Variants in DCUN1D2 observed in about 807,000 individuals in gnomAD.
DCUN1D2 encodes the protein defective in cullin neddylation 1 domain containing 2.
A neutral mutation model predicts 30.9 loss-of-function variants in DCUN1D2; 29 were observed. That is an observed-to-expected ratio of 0.94 (90% CI 0.70 to 1.28). The LOEUF (loss-of-function observed/expected upper bound fraction) is 1.28. DCUN1D2 is among the 50% of genes most tolerant of loss of function. The pLI is 0.00. For missense variants in DCUN1D2, 325 were observed against 316.9 expected, an observed-to-expected ratio of 1.03 and a Z score of -0.19; for synonymous variants, 121 against 115.3, an observed-to-expected ratio of 1.05 and a Z score of -0.32.
rs1595579066 is a variant in DCUN1D2, at chr13:113,473,365, GAC to G, written c.520+757_520+758del. ...GAATCCCTGCTGCAGGGTTAGGAGT[GAC>G]AGTTAAAGCGAATGCAGACTCCCCA... On this transcript the variant is annotated intron_variant, in intron 4 of 6. Transcript: ENST00000478244. Among the ~76,000 whole-genome samples the G allele has an allele frequency of 2.6e-5, 4 of 152,270 alleles. No individual in the cohort carries two copies. The East Asian group carries it at 7.7e-4, about 29-fold the overall frequency.
chr13:113,477,019 G>A (rs1431292522), intron 3 of DCUN1D2, among the ~76,000 whole-genome samples: 1 of 152,118 alleles, frequency 6.6e-6, no homozygotes, highest in Admixed American at 6.5e-5. Context: ...ATCTGATCTG[G>A]CGCTTGATGC....
At chr13:113,464,777 A>G (rs1331812990) in intron 4 of DCUN1D2, among the ~76,000 whole-genome samples, 1 of 152,220 alleles carries the variant, frequency 6.6e-6, no homozygotes, top group Admixed American at 6.5e-5. Flanking sequence ...TCCTGACCCA[A>G]TGGATCATGA....
At chr13:113,474,070 C>T in intron 4 of DCUN1D2, 54 bp downstream of exon 4, 3 of 1,580,578 alleles carry the variant, frequency 1.9e-6, no homozygotes, top group Non-Finnish European at 2.6e-6. Flanking sequence ...TGCTCACGTC[C>T]ACTGAAAACC....
chr13:113,483,409 A>G (rs2044743881), intron 2 of DCUN1D2, among the ~76,000 whole-genome samples: 1 of 152,234 alleles, frequency 6.6e-6, no homozygotes, highest in Non-Finnish European at 1.5e-5. Context: ...CCCTCACTTC[A>G]GATCATCTTC....
At chr13:113,486,300 G>C (rs1416125267) in intron 1 of DCUN1D2, among the ~76,000 whole-genome samples, 2 of 152,160 alleles carry the variant, frequency 1.3e-5, no homozygotes, top group Admixed American at 1.3e-4. Flanking sequence ...GCTGAACACT[G>C]AGCAGGCGTG....
rs2044913738 is a variant in DCUN1D2 at position 113,490,113 on chromosome 13, C to G, written c.3+554G>C. Among the ~76,000 whole-genome samples the G allele has an allele frequency of 6.6e-6, 1 of 152,178 alleles. No individual in the cohort carries two copies. Among genetic ancestry groups the G allele is most frequent in the South Asian group, 2.1e-4 (1 of 4,836 alleles). Reference sequence around the variant, plus strand: ...TCCCTCCTGCGCTGCGGAACTCTACCAGCTCCACAGATGCACACCTACAGC... The same window carrying G: ...TCCCTCCTGCGCTGCGGAACTCTACGAGCTCCACAGATGCACACCTACAGC... On this transcript the variant is annotated intron_variant, in intron 1 of 6. Transcript: ENST00000478244. The surrounding 1 kb of genome is among the most constrained non-coding windows in gnomAD (Gnocchi z 5.2).
intron 4 of DCUN1D2, among the ~76,000 whole-genome samples, chr13:113,471,899 T>A (rs147356137): frequency 6.6e-6 from 1 of 152,086 alleles, no homozygotes; most frequent in Non-Finnish European, 1.5e-5. Context: ...GAAGCCCTGG[T>A]GATGAGCAGG....
chr13:113,466,887 A>G (rs2139689974), intron 4 of DCUN1D2, among the ~76,000 whole-genome samples: 1 of 149,694 alleles, frequency 6.7e-6, no homozygotes, highest in East Asian at 2.0e-4. Flanking sequence ...GCTCACTGCA[A>G]GCTCCACCTC....
At chr13:113,463,909 C>T (rs2044360180) in intron 4 of DCUN1D2, among the ~76,000 whole-genome samples, 1 of 152,172 alleles carries the variant, frequency 6.6e-6, no homozygotes, top group South Asian at 2.1e-4. Flanking sequence ...TTTTCTGGAA[C>T]AGTTGGACAC....
chr13:113,465,602 G>C (rs1036900805), intron 4 of DCUN1D2, among the ~76,000 whole-genome samples: 2 of 151,464 alleles, frequency 1.3e-5, no homozygotes, highest in Non-Finnish European at 2.9e-5. Context: ...CCAAGTGACA[G>C]AGCCCAAGAA....
chr13:113,480,631 T>C lies in DCUN1D2; in HGVS notation c.333A>G (p.Ala111=), dbSNP rs902776135. The stretch of plus-strand genomic sequence containing the variant: ...TTCTGCTAAATTCACACTGAGTTGC[T>C]GCCCTGAACTTCCACGCTATGACCA... The part of the protein sequence containing the change: ...SVLVIAWKFR[A]ATQCEFSRKE... Residue 111 remains alanine (A), a synonymous_variant, in exon 3 of 7, where the codon GCA becomes GCG. Transcript: ENST00000478244. 6.8e-6 allele frequency: 11 copies of C among 1,614,174 alleles called. No homozygotes were observed. Among genetic ancestry groups the C allele is most frequent in the Admixed American group, 5.0e-5 (3 of 60,028 alleles).
rs1339925150 is a variant in DCUN1D2 at position 113,474,173 on chromosome 13, A to C, written c.471T>G (p.Phe157Leu). 5.0e-6 allele frequency: 8 copies of C among 1,614,144 alleles called. No individual in the cohort carries two copies. The highest frequency in any genetic ancestry group is 6.8e-6 in the Non-Finnish European group (8 of 1,179,996). Residue 157 changes from phenylalanine (F) to leucine (L), a missense_variant, in exon 4 of 7, where the codon TTT becomes TTG. Transcript: ENST00000478244. ...TAGCGAAGGTGAAGGTAAACTGATA[A>C]AAATCTTTAAACTTGGCTGTGTCCT... ...ELKDTAKFKD[F>L]YQFTFTFAKN... is the part of the protein sequence containing the mutation.
chr13:113,468,043 TAAAAAAAAA>T (rs59075073), intron 4 of DCUN1D2, among the ~76,000 whole-genome samples: 1 of 97,212 alleles, frequency 1.0e-5, no homozygotes, highest in Non-Finnish European at 2.0e-5. Context: ...GGATCCATCT[TAAAAAAAAA>T]AAAAAAAAAA....
chr13:113,461,212 G>T, intron 4 of DCUN1D2, 76 bp from the exon 5 acceptor site: 3 of 875,536 alleles, frequency 3.4e-6, no homozygotes, highest in African/African-American at 1.7e-5. Context: ...CCACTTCTTA[G>T]CATGTCAATA....
At chr13:113,459,549 A>G (rs2044284703) in intron 5 of DCUN1D2, 141 bp from the exon 6 acceptor site, 2 of 539,822 alleles carry the variant, frequency 3.7e-6, no homozygotes, top group South Asian at 2.8e-5. Context: ...TAAAAGTAAT[A>G]GCGTTCTGTA....
chr13:113,469,873 A>G (rs1342039949), intron 4 of DCUN1D2, among the ~76,000 whole-genome samples: 1 of 152,054 alleles, frequency 6.6e-6, no homozygotes, highest in Non-Finnish European at 1.5e-5. Context: ...TTTAAGTGTG[A>G]TCATTGACTT....
chr13:113,458,012 C>G lies in DCUN1D2; in HGVS notation c.*17G>C, dbSNP rs1468074000. ...ATACAAATCATTTCATAATCTTACTCCTGCTTAACTTGCTGCCTAGAAAAG... is the reference window on the plus strand; with the variant it reads ...ATACAAATCATTTCATAATCTTACTGCTGCTTAACTTGCTGCCTAGAAAAG... On this transcript the variant is annotated 3_prime_UTR_variant, in exon 7 of 7. Transcript: ENST00000478244. 5 of 1,608,746 alleles carry G rather than the reference C, an allele frequency of 3.1e-6. No individual in the cohort carries two copies. The Admixed American group carries it at 6.7e-5, about 21-fold the overall frequency.
intron 1 of DCUN1D2, among the ~76,000 whole-genome samples, chr13:113,487,508 A>C (rs1398621157): frequency 6.6e-6 from 1 of 152,234 alleles, no homozygotes; most frequent in African/African-American, 2.4e-5. Context: ...CTCCAGCTGC[A>C]CAGTGTACGA....
intron 4 of DCUN1D2, among the ~76,000 whole-genome samples, chr13:113,469,491 G>GC (rs111666388): frequency 8.5e-5 from 13 of 152,162 alleles, no homozygotes; most frequent in African/African-American, 3.1e-4. Context: ...ACCAGCCCGG[G>GC]CAACACAGTA....
Sources: gnomAD v4.1 joint callset for allele counts (sites outside exome capture counted in the v4.1 genomes callset) on GRCh38, gnomAD v4.1.1 for gene constraint, Gnocchi (gnomAD v3.1) non-coding constraint, MANE v1.5 for transcripts, NCBI Gene and HGNC (gene_info 2026-07-23, HGNC 2026-07-21) for gene names.